Variants in L3MBTL4 observed in about 807,000 individuals in gnomAD.
L3MBTL4 encodes L3MBTL histone methyl-lysine binding protein 4, also known as lethal(3)malignant brain tumor-like protein 4.
A neutral mutation model predicts 84.5 loss-of-function variants in L3MBTL4; 70 were observed. The ratio of observed to expected loss-of-function variants is 0.83; its 90% confidence interval spans 0.68 to 1.01. The LOEUF is 1.01. L3MBTL4 is among the 50% of genes least tolerant of loss of function. The pLI is 0.00. For missense variants in L3MBTL4, 715 were observed against 754.8 expected (o/e 0.95, Z 0.62); for synonymous variants, 274 against 259.8 (o/e 1.05, Z -0.52).
At chr18:6,049,624 C>G (rs1387248847) in intron 16 of L3MBTL4, among the ~76,000 whole-genome samples, 5 of 152,106 alleles carry the variant, frequency 3.3e-5, no homozygotes, top group African/African-American at 1.2e-4. Context: ...AACAGAAGAT[C>G]AAATACTGCA....
intron 12 of L3MBTL4, among the ~76,000 whole-genome samples, chr18:6,188,636 C>T (rs898298448): frequency 6.6e-6 from 1 of 152,190 alleles, no homozygotes; most frequent in Non-Finnish European, 1.5e-5. Context: ...AAGATCAAAC[C>T]TGACACAGGG....
At chr18:6,078,483 T>C (rs1460852559) in intron 16 of L3MBTL4, among the ~76,000 whole-genome samples, 1 of 147,364 alleles carries the variant, frequency 6.8e-6, no homozygotes, top group Admixed American at 6.7e-5. Flanking sequence ...ACATGGGTAC[T>C]GGATATTATG....
intron 4 of L3MBTL4, among the ~76,000 whole-genome samples, chr18:6,268,897 A>G (rs532235943): frequency 6.4e-4 from 97 of 152,264 alleles, no homozygotes; most frequent in South Asian, 1.5e-3. Context: ...AATATTGAAT[A>G]TTAGATTAAT....
chr18:5,958,512 A>G (rs1401688655), intron 18 of L3MBTL4, among the ~76,000 whole-genome samples: 1 of 152,188 alleles, frequency 6.6e-6, no homozygotes, highest in East Asian at 1.9e-4. Flanking sequence ...AACAGCTAAC[A>G]TTTATGGAGC....
At chr18:6,034,792 C>A (rs1223257611) in intron 16 of L3MBTL4, among the ~76,000 whole-genome samples, 5 of 150,764 alleles carry the variant, frequency 3.3e-5, no homozygotes, top group African/African-American at 1.2e-4. Flanking sequence ...TATTTCTCCA[C>A]ATCCTCTCCA....
chr18:6,276,022 A>T (rs143207672), intron 4 of L3MBTL4, among the ~76,000 whole-genome samples: 3 of 152,204 alleles, frequency 2.0e-5, no homozygotes, highest in African/African-American at 7.2e-5. Context: ...AAGGACAGAC[A>T]GAACTCAAAG....
At chr18:6,350,228 C>T (rs746095887) in intron 1 of L3MBTL4, among the ~76,000 whole-genome samples, 2 of 152,054 alleles carry the variant, frequency 1.3e-5, no homozygotes, top group East Asian at 1.9e-4. Context: ...ACGCAAGCAA[C>T]CAAAGAATAA....
chr18:6,223,507 T>C (rs1235440603), intron 10 of L3MBTL4, among the ~76,000 whole-genome samples: 2 of 152,052 alleles, frequency 1.3e-5, no homozygotes. Context: ...TATAATCCAA[T>C]TTTTACAGCA....
At chr18:6,069,748 A>C (rs9965950) in intron 16 of L3MBTL4, among the ~76,000 whole-genome samples, 81,243 of 152,048 alleles carry the variant, frequency 0.53, 24,260 homozygotes, top group African/African-American at 0.8. Context: ...CGAGGCTGAT[A>C]TCACTCACTC....
At chr18:6,180,461 G>T (rs550085839) in intron 12 of L3MBTL4, among the ~76,000 whole-genome samples, 5 of 152,080 alleles carry the variant, frequency 3.3e-5, no homozygotes, top group African/African-American at 1.2e-4. Context: ...ACTCACTTAT[G>T]GTCAATTAAC....
At chr18:6,070,511 TC>T (rs1477313627) in intron 16 of L3MBTL4, among the ~76,000 whole-genome samples, 8 of 132,886 alleles carry the variant, frequency 6.0e-5, no homozygotes, top group African/African-American at 2.6e-4. Context: ...AAAAACTTAC[TC>T]AAAAAAAAAA....
intron 16 of L3MBTL4, among the ~76,000 whole-genome samples, chr18:6,004,033 GAAAAT>G (rs1032523304): frequency 2.6e-5 from 4 of 151,544 alleles, no homozygotes; most frequent in African/African-American, 4.8e-5. Context: ...TTATAGTGGA[GAAAAT>G]AAAATAAAAT....
At chr18:6,109,457 A>G (rs891740438) in intron 14 of L3MBTL4, among the ~76,000 whole-genome samples, 14 of 152,148 alleles carry the variant, frequency 9.2e-5, no homozygotes, top group Admixed American at 2.0e-4. Flanking sequence ...TGTGGGTGAC[A>G]CAGTAGCTGT....
intron 14 of L3MBTL4, among the ~76,000 whole-genome samples, chr18:6,107,619 A>G (rs2059053663): frequency 6.6e-6 from 1 of 152,238 alleles, no homozygotes; most frequent in Non-Finnish European, 1.5e-5. Flanking sequence ...GTGTGATGAT[A>G]AAGATGGGAG....
chr18:6,116,471 C>T (rs1407434558), intron 14 of L3MBTL4, among the ~76,000 whole-genome samples: 2 of 151,496 alleles, frequency 1.3e-5, no homozygotes, highest in Non-Finnish European at 1.5e-5. Flanking sequence ...TCAAGCGATG[C>T]TCCTGCTTCA....
At chr18:6,120,545 T>C (rs1158239826) in intron 14 of L3MBTL4, among the ~76,000 whole-genome samples, 4 of 152,202 alleles carry the variant, frequency 2.6e-5, no homozygotes, top group Non-Finnish European at 5.9e-5. Context: ...TAAGTTGTCT[T>C]CTTCACAACT....
intron 1 of L3MBTL4, among the ~76,000 whole-genome samples, chr18:6,337,906 G>A (rs1469696513): frequency 1.3e-5 from 2 of 152,094 alleles, no homozygotes; most frequent in African/African-American, 4.8e-5. Flanking sequence ...GGAGAGGAAG[G>A]AGAAGGGAAT....
chr18:5,961,451 G>A, intron 17 of L3MBTL4, among the ~76,000 whole-genome samples: 1 of 152,246 alleles, frequency 6.6e-6, no homozygotes, highest in African/African-American at 2.4e-5. Flanking sequence ...CTGTGCAAAT[G>A]TGAAGAGTTC....
chr18:6,015,470 T>TAGGTCCC (rs2145432802), intron 16 of L3MBTL4, among the ~76,000 whole-genome samples: 1 of 152,266 alleles, frequency 6.6e-6, no homozygotes, highest in South Asian at 2.1e-4. Context: ...CTTGGAGTTT[T>TAGGTCCC]AGGTCCCAGG....
Sources: gnomAD v4.1 joint callset for allele counts (sites outside exome capture counted in the v4.1 genomes callset) on GRCh38, gnomAD v4.1.1 for gene constraint, MANE v1.5 for transcripts, NCBI Gene and HGNC (gene_info 2026-07-23, HGNC 2026-07-21) for gene names.